The following ANKRD30BL variants were observed in gnomAD, a reference collection of about 807,000 sequenced individuals.
The protein encoded by ANKRD30BL is ankyrin repeat domain 30B like, also known as putative ankyrin repeat domain-containing protein 30B-like.
ANKRD30BL carries 20 observed loss-of-function variants against 18.4 expected under a neutral mutation model. The observed-to-expected ratio is 1.09, with a 90% CI of 0.77 to 1.58. The LOEUF (loss-of-function observed/expected upper bound fraction) is 1.58, where lower values mean the gene tolerates loss of function less well. Ranked by LOEUF, ANKRD30BL falls within the 40% of genes most tolerant of loss-of-function variation. The pLI, the probability that ANKRD30BL is intolerant of heterozygous loss-of-function variation, is 0.00. For missense variants in ANKRD30BL, 224 were observed against 268.6 expected (o/e 0.83, Z 1.16); for synonymous variants, 72 against 100.9 (o/e 0.71, Z 1.72).
chr2:132,207,439 C>G (rs1336696079), intron 1 of ANKRD30BL, among the ~76,000 whole-genome samples: 3 of 152,074 alleles, frequency 2.0e-5, no homozygotes, highest in Admixed American at 2.0e-4. Context: ...TCTAATAACT[C>G]TTTTCTAATC....
chr2:132,248,233 G>A (rs796189696), intron 1 of ANKRD30BL, among the ~76,000 whole-genome samples: 4 of 152,024 alleles, frequency 2.6e-5, no homozygotes, highest in Admixed American at 6.6e-5. Context: ...TCACAAAGAC[G>A]TTTCTCAGAA....
intron 1 of ANKRD30BL, among the ~76,000 whole-genome samples, chr2:132,221,326 G>T (rs1573858862): frequency 2.0e-5 from 3 of 146,858 alleles, no homozygotes; most frequent in East Asian, 2.1e-4. Flanking sequence ...AGGTGGGGGG[G>T]TCAGCCCCCC....
chr2:132,180,053 A>G (rs963600022), intron 1 of ANKRD30BL, among the ~76,000 whole-genome samples: 1 of 152,168 alleles, frequency 6.6e-6, no homozygotes, highest in African/African-American at 2.4e-5. Flanking sequence ...AAAACAATTT[A>G]AAAATAAATT....
chr2:132,218,565 CTT>C (rs1460113671), intron 1 of ANKRD30BL, among the ~76,000 whole-genome samples: 8 of 152,282 alleles, frequency 5.3e-5, no homozygotes, highest in African/African-American at 1.9e-4. Flanking sequence ...TTGAAACACT[CTT>C]TTTGCAGAAT....
At chr2:132,238,133 C>A (rs1680211868) in intron 1 of ANKRD30BL, among the ~76,000 whole-genome samples, 1 of 151,922 alleles carries the variant, frequency 6.6e-6, no homozygotes, top group South Asian at 2.1e-4. Flanking sequence ...GAAATATCTT[C>A]ACATAAAAAG....
intron 5 of ANKRD30BL, 92 bp downstream of exon 5, chr2:132,150,820 A>G: frequency 2.1e-6 from 1 of 472,402 alleles, no homozygotes; most frequent in South Asian, 2.7e-5. Flanking sequence ...CATGCTACTT[A>G]CACATTGCTT....
At chr2:132,205,528 G>C (rs1392299237) in intron 1 of ANKRD30BL, among the ~76,000 whole-genome samples, 4 of 151,588 alleles carry the variant, frequency 2.6e-5, no homozygotes, top group African/African-American at 9.7e-5. Context: ...TTGAACCTGG[G>C]AGGCGGAGGT....
rs199791813 is a variant in ANKRD30BL, at chr2:132,231,778, A to G, written n.441+25751T>C. Among the ~76,000 whole-genome samples, 28 of 152,288 alleles carry G rather than the reference A, an allele frequency of 1.8e-4. No individual in the cohort carries two copies. The South Asian group carries it at 5.2e-3, about 28-fold the overall frequency. The stretch of plus-strand genomic sequence containing the variant: ...GGCTGGGGGAGGGGCACCCGCCATT[A>G]CCCAGGCTTGCTTAGGTAAACAAAG... On this transcript the variant is annotated intron_variant and non_coding_transcript_variant, in intron 1 of 4. Coordinates refer to the ANKRD30BL transcript ENST00000470729.
chr2:132,161,177 TA>T (rs1347526706), intron 1 of ANKRD30BL, among the ~76,000 whole-genome samples: 14 of 151,174 alleles, frequency 9.3e-5, no homozygotes, highest in Admixed American at 2.0e-4. Flanking sequence ...TTTTATAAGT[TA>T]AATCACTTTA....
chr2:132,223,257 C>A (rs997535125), intron 1 of ANKRD30BL, among the ~76,000 whole-genome samples: 1 of 151,998 alleles, frequency 6.6e-6, no homozygotes, highest in Non-Finnish European at 1.5e-5. Context: ...TGCTTTGAGG[C>A]CTTCGTTTGA....
intron 1 of ANKRD30BL, among the ~76,000 whole-genome samples, chr2:132,234,784 T>C (rs1311816589): frequency 2.0e-5 from 3 of 152,164 alleles, no homozygotes; most frequent in Non-Finnish European, 4.4e-5. Context: ...CCATTCCTTC[T>C]GAAACTATTC....
chr2:132,200,478 C>T (rs1679074333), intron 1 of ANKRD30BL, among the ~76,000 whole-genome samples: 1 of 152,122 alleles, frequency 6.6e-6, no homozygotes, highest in Non-Finnish European at 1.5e-5. Flanking sequence ...ACAAAAATCA[C>T]AAGCATTCTT....
At chr2:132,222,982 T>G (rs946649580) in intron 1 of ANKRD30BL, among the ~76,000 whole-genome samples, 1 of 152,102 alleles carries the variant, frequency 6.6e-6, no homozygotes, top group African/African-American at 2.4e-5. Flanking sequence ...AACTTCTTTC[T>G]GATGTTTGCA....
intron 1 of ANKRD30BL, among the ~76,000 whole-genome samples, chr2:132,180,212 A>G (rs2104946959): frequency 7.7e-6 from 1 of 129,360 alleles, no homozygotes; most frequent in East Asian, 2.3e-4. Context: ...GCCCTCTACA[A>G]GTGTACCCTT....
intron 1 of ANKRD30BL, among the ~76,000 whole-genome samples, chr2:132,223,511 T>A (rs1024809303): frequency 4.6e-5 from 7 of 152,130 alleles, no homozygotes; most frequent in African/African-American, 1.7e-4. Context: ...TGTATTCAAC[T>A]CACAGAGTTG....
chr2:132,248,542 A>T (rs1294700297), intron 1 of ANKRD30BL, among the ~76,000 whole-genome samples: 2 of 152,140 alleles, frequency 1.3e-5, no homozygotes, highest in African/African-American at 4.8e-5. Context: ...GAATGGTTCA[A>T]CTATGTGAGA....
At chr2:132,232,009 T>C (rs868431675) in intron 1 of ANKRD30BL, among the ~76,000 whole-genome samples, 71 of 152,282 alleles carry the variant, frequency 4.7e-4, no homozygotes, top group African/African-American at 1.7e-3. Context: ...GACTGCCTCA[T>C]CAAGTGGGTC....
chr2:132,223,987 A>T (rs926164486), intron 1 of ANKRD30BL, among the ~76,000 whole-genome samples: 14 of 152,166 alleles, frequency 9.2e-5, no homozygotes, highest in African/African-American at 3.1e-4. Flanking sequence ...AGACAGGAGC[A>T]TTCTCAGAAA....
chr2:132,252,193 T>C (rs1028094757), intron 1 of ANKRD30BL, among the ~76,000 whole-genome samples: 6 of 152,230 alleles, frequency 3.9e-5, no homozygotes, highest in African/African-American at 1.4e-4. Flanking sequence ...CCAGTTACAA[T>C]TGATGTTAAC....
Sources: gnomAD v4.1 joint callset for allele counts (sites outside exome capture counted in the v4.1 genomes callset) on GRCh38, gnomAD v4.1.1 for gene constraint, MANE v1.5 for transcripts, NCBI Gene and HGNC (gene_info 2026-07-23, HGNC 2026-07-21) for gene names.